Variants in HERC5 observed in about 807,000 individuals in gnomAD.
The protein encoded by HERC5 is HECT and RLD domain containing E3 ubiquitin protein ligase 5.
Under a neutral mutation model 119.6 loss-of-function variants are expected in HERC5, and 99 were observed. The ratio of observed to expected loss-of-function variants is 0.83; its 90% confidence interval spans 0.70 to 0.98. HERC5 has a LOEUF of 0.98. HERC5 is among the 50% of genes least tolerant of loss of function. The pLI is 0.00. For missense variants in HERC5, 1,267 were observed against 1,241.3 expected (o/e 1.02, Z -0.31); for synonymous variants, 478 against 445.9 (o/e 1.07, Z -0.91).
chr4:88,496,705 T>G (rs997487296), intron 18 of HERC5, among the ~76,000 whole-genome samples: 1 of 152,238 alleles, frequency 6.6e-6, no homozygotes, highest in Non-Finnish European at 1.5e-5. Flanking sequence ...GAATGATCTT[T>G]CTCACCTTTG....
At chr4:88,486,064 C>A (rs767292949) in intron 13 of HERC5, 51 bp from the exon 14 acceptor site, 100 of 1,117,266 alleles carry the variant, frequency 9.0e-5, no homozygotes, top group Non-Finnish European at 1.3e-4. Flanking sequence ...AGCTATTAAG[C>A]AAAATTGTCT....
intron 6 of HERC5, among the ~76,000 whole-genome samples, chr4:88,464,806 T>C (rs1043113945): frequency 1.3e-5 from 2 of 152,190 alleles, no homozygotes; most frequent in Non-Finnish European, 2.9e-5. Context: ...AGTCTCGCTC[T>C]GCTGCAAAGG....
intron 22 of HERC5, 36 bp downstream of exon 22, chr4:88,504,633 A>G (rs771587034): frequency 2.3e-6 from 3 of 1,287,308 alleles, no homozygotes; most frequent in African/African-American, 3.0e-5. Context: ...CTGTAATCGT[A>G]TGTCTTTTTA....
At chr4:88,473,307 CCCCTCCTT>C (rs984163927) in intron 11 of HERC5, 2 of 151,736 alleles carry the variant, frequency 1.3e-5, no homozygotes, top group Non-Finnish European at 2.9e-5. Flanking sequence ...CTTCCCTCCT[CCCCTCCTT>C]CCTCCCTCTA....
At chr4:88,489,388 A>G in intron 16 of HERC5, 52 bp downstream of exon 16, 1 of 1,493,384 alleles carries the variant, frequency 6.7e-7, no homozygotes, top group Non-Finnish European at 9.1e-7. Context: ...AGAAAAACAT[A>G]AAAGAATGTG....
At chr4:88,471,803 A>G (rs1345566956) in intron 10 of HERC5, among the ~76,000 whole-genome samples, 2 of 152,102 alleles carry the variant, frequency 1.3e-5, no homozygotes, top group East Asian at 1.9e-4. Context: ...GAAGAAATGG[A>G]TGTATTTTTT....
At chr4:88,466,660 A>T (rs1740679182) in intron 6 of HERC5, among the ~76,000 whole-genome samples, 1 of 152,220 alleles carries the variant, frequency 6.6e-6, no homozygotes, top group Non-Finnish European at 1.5e-5. Context: ...CAAACCAGCA[A>T]ATCAATAGGA....
chr4:88,501,241 T>A (rs1741938065), intron 20 of HERC5, among the ~76,000 whole-genome samples: 2 of 152,226 alleles, frequency 1.3e-5, no homozygotes, highest in African/African-American at 2.4e-5. Flanking sequence ...CATCTGTCCC[T>A]CTTTATCCAC....
At chr4:88,473,022 T>G (rs1740931716) in intron 11 of HERC5, 1 of 151,952 alleles carries the variant, frequency 6.6e-6, no homozygotes, top group African/African-American at 2.4e-5. Context: ...TACTGCTATC[T>G]TTAGGTTTTC....
At chr4:88,467,879 A>T (rs1029995679) in intron 7 of HERC5, 11 of 984,934 alleles carry the variant, frequency 1.1e-5, no homozygotes, top group Non-Finnish European at 1.3e-5. Flanking sequence ...GACCTCAAGT[A>T]ACAAAATCTA....
At chr4:88,467,037 C>T (rs1215571178) in intron 6 of HERC5, 22 bp from the exon 7 acceptor site, 1 of 1,611,968 alleles carries the variant, frequency 6.2e-7, no homozygotes, top group Non-Finnish European at 8.5e-7. Context: ...AAGAATTGAC[C>T]ATATGTGCTT....
intron 13 of HERC5, among the ~76,000 whole-genome samples, chr4:88,483,803 T>G (rs1025256871): frequency 1.3e-5 from 2 of 152,328 alleles, no homozygotes; most frequent in African/African-American, 4.8e-5. Flanking sequence ...GTGCTGGGAT[T>G]ACAGGCATGA....
chr4:88,501,681 G>A (rs1443585960), intron 20 of HERC5, among the ~76,000 whole-genome samples: 1 of 152,100 alleles, frequency 6.6e-6, no homozygotes, highest in African/African-American at 2.4e-5. Flanking sequence ...TAAATGTACA[G>A]TTTAGTGAAT....
intron 14 of HERC5, among the ~76,000 whole-genome samples, chr4:88,486,662 T>G (rs1741475114): frequency 1.3e-5 from 2 of 152,322 alleles, no homozygotes; most frequent in South Asian, 4.1e-4. Flanking sequence ...TGTTTCTCCC[T>G]TTCTCTGAAG....
chr4:88,464,163 CT>C (rs1740558452), intron 6 of HERC5, among the ~76,000 whole-genome samples, 178 bp downstream of exon 6: 1 of 113,642 alleles, frequency 8.8e-6, no homozygotes, highest in Non-Finnish European at 1.9e-5. Context: ...TGGTTGTTTT[CT>C]TTGATTTTTT....
At chr4:88,467,790 CAG>C in intron 7 of HERC5, 1 of 567,114 alleles carries the variant, frequency 1.8e-6, no homozygotes, top group Non-Finnish European at 2.2e-6. Flanking sequence ...TTTATGACCT[CAG>C]AGTCTGAGCT....
At position 88,457,512 on chromosome 4, in the gene HERC5, G is replaced by T; in HGVS notation, c.243G>T (p.Gly81=). The change falls in exon 1 of 23, where the codon GGG becomes GGT. Residue 81 remains glycine (G), a synonymous_variant. Transcript: ENST00000264350. ...AGVQVHQLLA[G]SGGARTPKCI... Reference sequence around the variant, plus strand: ...TCCAGGTTCACCAGCTGCTCGCCGGGAGCGGCGGCGCCCGGACGCCGAGTG... The same window carrying T: ...TCCAGGTTCACCAGCTGCTCGCCGGTAGCGGCGGCGCCCGGACGCCGAGTG... 1 of 1,282,212 alleles carries T rather than the reference G, an allele frequency of 7.8e-7. No individual in the cohort carries two copies. Among genetic ancestry groups the T allele is most frequent in the Non-Finnish European group, 9.9e-7 (1 of 1,014,636 alleles). The allele number at this position is 1,282,212 out of a possible 1,614,324, so 79.4% of individuals were successfully genotyped here.
chr4:88,469,817 A>G (rs1184837460), intron 9 of HERC5, among the ~76,000 whole-genome samples: 2 of 152,236 alleles, frequency 1.3e-5, no homozygotes, highest in South Asian at 2.1e-4. Context: ...CCAAGTTGAC[A>G]TATAAAACTA....
At chr4:88,474,707 C>T (rs1480764923) in intron 11 of HERC5, among the ~76,000 whole-genome samples, 2 of 152,196 alleles carry the variant, frequency 1.3e-5, no homozygotes, top group African/African-American at 2.4e-5. Flanking sequence ...GAAATTCCCA[C>T]TTAGCTGTGT....
Sources: allele counts gnomAD v4.1 joint callset (sites outside exome capture counted in the v4.1 genomes callset), GRCh38; gene constraint gnomAD v4.1.1; transcripts MANE v1.5; gene names NCBI Gene and HGNC (gene_info 2026-07-23, HGNC 2026-07-21).